OPCML: variants seen among roughly 807,000 people sequenced by gnomAD.
OPCML encodes the protein opioid-binding protein/cell adhesion molecule.
OPCML carries 13 observed loss-of-function variants against 37.8 expected under a neutral mutation model. The observed-to-expected ratio is 0.34, with a 90% CI of 0.22 to 0.55. OPCML has a LOEUF of 0.55. Ranked by LOEUF, OPCML falls within the 20% of genes least tolerant of loss-of-function variation. The pLI is 0.91. For missense variants in OPCML, 341 were observed against 435.6 expected, an observed-to-expected ratio of 0.78 and a Z score of 1.93; for synonymous variants, 176 against 168.8, an observed-to-expected ratio of 1.04 and a Z score of -0.33.
chr11:132,771,478 G>C (rs1020038877), intron 2 of OPCML: 1 of 152,158 alleles, frequency 6.6e-6, no homozygotes, highest in Non-Finnish European at 1.5e-5. Context: ...GCACAAAAAG[G>C]AATAGGTGAG....
chr11:133,390,632 G>C (rs2136809558), intron 1 of OPCML, among the ~76,000 whole-genome samples: 1 of 152,264 alleles, frequency 6.6e-6, no homozygotes, highest in Non-Finnish European at 1.5e-5. Flanking sequence ...AACCCAAGAA[G>C]ACTTCCTGGA....
In OPCML at chr11:133,189,013, T is replaced by G. The variant is rs936627325; in HGVS notation, c.62-246003A>C. Among the ~76,000 whole-genome samples, 9 of 152,106 alleles carry G rather than the reference T, an allele frequency of 5.9e-5. No individual in the cohort carries two copies. In the South Asian group the frequency reaches 8.3e-4, roughly 14 times the overall value. Reference sequence around the variant, plus strand: ...TTCAGAACAGAGCCCTTGGCCCTTGTCCCCTGCCACTCCCCACTCCTCAAA... The same window carrying G: ...TTCAGAACAGAGCCCTTGGCCCTTGGCCCCTGCCACTCCCCACTCCTCAAA... On this transcript the variant is annotated intron_variant, in intron 1 of 7. Transcript: ENST00000524381.
At chr11:132,492,216 T>C (rs1377659454) in intron 4 of OPCML, among the ~76,000 whole-genome samples, 1 of 151,150 alleles carries the variant, frequency 6.6e-6, no homozygotes, top group Non-Finnish European at 1.5e-5. Flanking sequence ...TTACTGTGAG[T>C]GAAAAGGGAG....
chr11:132,537,680 T>G (rs1030163000), intron 3 of OPCML, among the ~76,000 whole-genome samples: 4 of 152,146 alleles, frequency 2.6e-5, no homozygotes, highest in Admixed American at 6.6e-5. Context: ...AAATCATATA[T>G]CTAATAACGG....
chr11:132,775,783 C>T lies in OPCML; in HGVS notation c.147-118464G>A, dbSNP rs570703071. Among the ~76,000 whole-genome samples, 6 of 152,308 alleles carry T rather than the reference C, an allele frequency of 3.9e-5. No homozygotes were observed. In the South Asian group the frequency reaches 6.2e-4, roughly 16 times the overall value. ...AAAGAATGCCAGCCCAAGGTTCCAT[C>T]GACAGGTGTCATATGGGACACTAGC... On this transcript the variant is annotated intron_variant, in intron 2 of 7. Transcript: ENST00000524381.
At chr11:133,370,104 T>C (rs1242669078) in intron 1 of OPCML, among the ~76,000 whole-genome samples, 2 of 152,220 alleles carry the variant, frequency 1.3e-5, no homozygotes, top group Non-Finnish European at 2.9e-5. Flanking sequence ...AGGTATTAAA[T>C]TTTTGACTTG....
At chr11:133,501,769 C>T (rs1016673171) in intron 1 of OPCML, among the ~76,000 whole-genome samples, 4 of 151,926 alleles carry the variant, frequency 2.6e-5, no homozygotes, top group Non-Finnish European at 5.9e-5. Context: ...TGGCCATCTT[C>T]GACGTGAGTC....
At chr11:133,446,211 A>T (rs970752864) in intron 1 of OPCML, among the ~76,000 whole-genome samples, 4 of 152,288 alleles carry the variant, frequency 2.6e-5, no homozygotes, top group East Asian at 1.9e-4. Flanking sequence ...CAGAACTCCC[A>T]ATCTCCCTTT....
chr11:133,458,111 A>C (rs868413177), intron 1 of OPCML, among the ~76,000 whole-genome samples: 6 of 151,720 alleles, frequency 4.0e-5, no homozygotes, highest in Middle Eastern at 3.4e-3. Context: ...GTACCATTGC[A>C]CTCCAGCCTG....
chr11:133,285,158 AG>A (rs1337654047), intron 1 of OPCML, among the ~76,000 whole-genome samples: 1 of 152,170 alleles, frequency 6.6e-6, no homozygotes, highest in Non-Finnish European at 1.5e-5. Context: ...GTGAAATTAG[AG>A]GGGTGAGTCA....
intron 4 of OPCML, among the ~76,000 whole-genome samples, chr11:132,506,928 A>G (rs2096258272): frequency 6.6e-6 from 1 of 152,062 alleles, no homozygotes; most frequent in Non-Finnish European, 1.5e-5. Context: ...CTTCAGTTGG[A>G]TTAAAAAAAA....
chr11:133,471,609 A>G (rs76802383), intron 1 of OPCML, among the ~76,000 whole-genome samples: 5,402 of 152,274 alleles, frequency 0.035, 145 homozygotes, highest in Middle Eastern at 0.12. Flanking sequence ...TTAAAATATG[A>G]AACATGATTT....
intron 1 of OPCML, among the ~76,000 whole-genome samples, chr11:133,223,819 C>T (rs1592119717): frequency 6.6e-6 from 1 of 152,310 alleles, no homozygotes; most frequent in Non-Finnish European, 1.5e-5. Flanking sequence ...CCCGCTCTTG[C>T]CATTTTATTT....
intron 1 of OPCML, among the ~76,000 whole-genome samples, chr11:132,982,021 C>T (rs1022823849): frequency 6.6e-6 from 1 of 152,156 alleles, no homozygotes; most frequent in East Asian, 1.9e-4. Context: ...AGAACTCTTT[C>T]CAATGCATAA....
At chr11:132,788,146 T>A (rs547219415) in intron 2 of OPCML, among the ~76,000 whole-genome samples, 2 of 152,318 alleles carry the variant, frequency 1.3e-5, no homozygotes, top group South Asian at 2.1e-4. Flanking sequence ...CCCAAAGTGC[T>A]GGGATTGCAG....
intron 1 of OPCML, among the ~76,000 whole-genome samples, chr11:133,355,791 G>C (rs1367211237): frequency 6.6e-6 from 1 of 152,194 alleles, no homozygotes; most frequent in African/African-American, 2.4e-5. Context: ...ATTTAAAATA[G>C]ATTTCAGTCA....
At chr11:132,682,246 G>A (rs1942980066) in intron 2 of OPCML, among the ~76,000 whole-genome samples, 1 of 152,204 alleles carries the variant, frequency 6.6e-6, no homozygotes. Flanking sequence ...GCCTGGGAAG[G>A]CGTCAGGGAA....
intron 1 of OPCML, among the ~76,000 whole-genome samples, chr11:133,045,783 C>A (rs1211284717): frequency 2.0e-5 from 3 of 152,198 alleles, no homozygotes; most frequent in Admixed American, 2.0e-4. Context: ...GAGATGTGTG[C>A]AAGACTGCCT....
intron 1 of OPCML, among the ~76,000 whole-genome samples, chr11:133,195,612 T>A (rs943340794): frequency 3.3e-5 from 5 of 152,216 alleles, no homozygotes; most frequent in African/African-American, 1.2e-4. Flanking sequence ...TGTGTAGGAT[T>A]CAATTAGCAT....
Sources: gnomAD v4.1 joint callset for allele counts (sites outside exome capture counted in the v4.1 genomes callset) on GRCh38, gnomAD v4.1.1 for gene constraint, MANE v1.5 for transcripts, NCBI Gene and HGNC (gene_info 2026-07-23, HGNC 2026-07-21) for gene names.